CCDC3: variants seen among roughly 807,000 people sequenced by gnomAD.
CCDC3 encodes the protein coiled-coil domain containing 3.
CCDC3 carries 24 observed loss-of-function variants against 21.4 expected under a neutral mutation model. The ratio of observed to expected loss-of-function variants is 1.12; its 90% confidence interval spans 0.81 to 1.58. CCDC3 has a LOEUF of 1.58. Ranked by LOEUF, CCDC3 falls within the 40% of genes most tolerant of loss-of-function variation. The pLI is 0.00. For missense variants in CCDC3, 425 were observed against 360.9 expected, an observed-to-expected ratio of 1.18 and a Z score of -1.44; for synonymous variants, 186 against 166.0, an observed-to-expected ratio of 1.12 and a Z score of -0.93.
chr10:13,008,523 A>G lies in CCDC3; in HGVS notation c.-1-10011T>C, dbSNP rs1371217745. On this transcript the variant is annotated intron_variant, in intron 5 of 6. Coordinates refer to the CCDC3 transcript ENST00000378839. ...CACAAGAGGTTGATCAAATAAGCAA[A>G]TCTATTAAGGAGGATGGAAACCAGT... Among the ~76,000 whole-genome samples the G allele has an allele frequency of 2.0e-5, 3 of 152,206 alleles. No individual in the cohort carries two copies. In the East Asian group the frequency reaches 5.8e-4, roughly 29 times the overall value.
At chr10:13,088,412 G>T (rs1837138483) in intron 3 of CCDC3, among the ~76,000 whole-genome samples, 1 of 152,140 alleles carries the variant, frequency 6.6e-6, no homozygotes, top group Non-Finnish European at 1.5e-5. Flanking sequence ...ACACAAGAAA[G>T]GGACGTCATA....
chr10:12,996,438 C>T lies in CCDC3; in HGVS notation c.549+1900G>A, dbSNP rs1272832208. 5.9e-5 allele frequency among the ~76,000 whole-genome samples: 9 copies of T among 152,134 alleles called. No homozygotes were observed. In the East Asian group the frequency reaches 9.7e-4, roughly 16 times the overall value. On this transcript the variant is annotated intron_variant, in intron 2 of 2. Coordinates refer to ENST00000378825, the MANE Select transcript of CCDC3 (RefSeq NM_031455.4). Reference sequence around the variant, plus strand: ...GCAACCTCCGCCTCCTGAGTTCAAGCGATTTTCCTGCCTCAGCCTCCCGAG... The same window carrying T: ...GCAACCTCCGCCTCCTGAGTTCAAGTGATTTTCCTGCCTCAGCCTCCCGAG...
chr10:12,998,988 C>T (rs1241896222), intron 1 of CCDC3, among the ~76,000 whole-genome samples: 1 of 152,144 alleles, frequency 6.6e-6, no homozygotes, highest in Non-Finnish European at 1.5e-5. Context: ...ACCTGTAACC[C>T]CAGCACTTTG....
chr10:13,054,448 T>C (rs1440012776), intron 4 of CCDC3, among the ~76,000 whole-genome samples: 1 of 152,146 alleles, frequency 6.6e-6, no homozygotes, highest in Non-Finnish European at 1.5e-5. Context: ...AAAAACTCGC[T>C]GTTTGTTTGC....
intron 2 of CCDC3, among the ~76,000 whole-genome samples, chr10:12,931,031 C>T (rs868008551): frequency 2.0e-5 from 3 of 151,780 alleles, no homozygotes; most frequent in African/African-American, 7.3e-5. Context: ...GCCAACATGG[C>T]GAAACCCCGT....
chr10:13,022,097 C>T (rs1362118255), intron 5 of CCDC3, among the ~76,000 whole-genome samples: 1 of 152,124 alleles, frequency 6.6e-6, no homozygotes, highest in African/African-American at 2.4e-5. Context: ...CTTCCTCCCC[C>T]AGCCCACCAC....
chr10:13,072,867 CTTT>C (rs144915227), intron 4 of CCDC3, among the ~76,000 whole-genome samples: 35,806 of 118,008 alleles, frequency 0.3, 4,244 homozygotes, highest in African/African-American at 0.35. Flanking sequence ...TCTTTTCTTT[CTTT>C]TTTTTTTTTT....
intron 3 of CCDC3, among the ~76,000 whole-genome samples, chr10:13,085,219 T>G (rs1564343883): frequency 6.6e-6 from 1 of 152,088 alleles, no homozygotes. Flanking sequence ...GCCAAGGGAA[T>G]ATTGAGTGAG....
intron 3 of CCDC3, among the ~76,000 whole-genome samples, chr10:13,080,745 C>T (rs1837028899): frequency 6.6e-6 from 1 of 152,242 alleles, no homozygotes; most frequent in South Asian, 2.1e-4. Context: ...GGCCAGGGTA[C>T]AAGCCAGCAG....
chr10:13,019,096 T>C (rs1159130026), intron 5 of CCDC3, among the ~76,000 whole-genome samples: 2 of 151,690 alleles, frequency 1.3e-5, no homozygotes, highest in African/African-American at 2.4e-5. Context: ...TAGCCGGGCG[T>C]GGTGGCAGGC....
chr10:12,960,927 C>A (rs1835170758), intron 2 of CCDC3, among the ~76,000 whole-genome samples: 1 of 152,116 alleles, frequency 6.6e-6, no homozygotes, highest in Non-Finnish European at 1.5e-5. Context: ...GACCCTCAGG[C>A]TTTCTTCCTC....
intron 2 of CCDC3, among the ~76,000 whole-genome samples, chr10:12,902,507 A>G (rs1321446187): frequency 6.6e-6 from 1 of 152,222 alleles, no homozygotes; most frequent in African/African-American, 2.4e-5. Context: ...AGATTCTTCA[A>G]CCAAGAACAA....
intron 4 of CCDC3, among the ~76,000 whole-genome samples, chr10:13,052,874 A>G (rs990967075): frequency 2.6e-5 from 4 of 151,712 alleles, no homozygotes; most frequent in Non-Finnish European, 2.9e-5. Context: ...CCCAGGAAGC[A>G]GAGGTTGCAG....
upstream of CCDC3, among the ~76,000 whole-genome samples, chr10:13,004,865 A>G (rs370906332): frequency 9.2e-5 from 14 of 152,242 alleles, 1 homozygote; most frequent in African/African-American, 1.4e-4. Context: ...GAGTACATCA[A>G]TTGCCCACCT....
chr10:13,017,527 A>AAAAAAAAG (rs1554761885), intron 5 of CCDC3, among the ~76,000 whole-genome samples: 1 of 148,400 alleles, frequency 6.7e-6, no homozygotes, highest in South Asian at 2.1e-4. Flanking sequence ...AAAAAAAAAA[A>AAAAAAAAG]AAAAGAAAAG....
Position 12,926,501 on chromosome 10 carries a change from T to C in CCDC3, c.550-27822A>G, listed in dbSNP as rs1834542088. On this transcript the variant is annotated intron_variant, in intron 2 of 2. Transcript: ENST00000378825. Reference sequence around the variant, plus strand: ...ATGGCATTTCCTAGATTTCTACATCTGTCCTTATGGAGAGGGCTTGCTTTC... The same window carrying C: ...ATGGCATTTCCTAGATTTCTACATCCGTCCTTATGGAGAGGGCTTGCTTTC... Among the ~76,000 whole-genome samples the C allele has an allele frequency of 1.3e-5, 2 of 152,212 alleles. 1 individual carries two copies. Among genetic ancestry groups the C allele is most frequent in the African/African-American group, 4.8e-5 (2 of 41,454 alleles).
At chr10:12,971,088 C>T (rs902984820) in intron 2 of CCDC3, among the ~76,000 whole-genome samples, 12 of 152,084 alleles carry the variant, frequency 7.9e-5, no homozygotes, top group African/African-American at 2.7e-4. Flanking sequence ...GAAGAAAAGC[C>T]TTATACCGTT....
At chr10:13,083,618 A>G (rs1297505637) in intron 3 of CCDC3, among the ~76,000 whole-genome samples, 1 of 152,246 alleles carries the variant, frequency 6.6e-6, no homozygotes, top group African/African-American at 2.4e-5. Context: ...GCTCACAGGC[A>G]TGTCCCAGCT....
chr10:12,940,229 GTT>G (rs34664068), intron 2 of CCDC3, among the ~76,000 whole-genome samples: 187 of 105,170 alleles, frequency 1.8e-3, no homozygotes, highest in Middle Eastern at 5.3e-3. Flanking sequence ...CATTGAAATT[GTT>G]TTTTTTTTTT....
Sources: allele counts gnomAD v4.1 joint callset (sites outside exome capture counted in the v4.1 genomes callset), GRCh38; gene constraint gnomAD v4.1.1; transcripts MANE v1.5; gene names NCBI Gene and HGNC (gene_info 2026-07-23, HGNC 2026-07-21).